The following GRIA1 variants were observed in gnomAD, a reference collection of about 807,000 sequenced individuals.
The protein encoded by GRIA1 is glutamate receptor 1.
GRIA1 carries 31 observed loss-of-function variants against 99.2 expected under a neutral mutation model. The observed-to-expected ratio is 0.31, with a 90% CI of 0.23 to 0.42. GRIA1 has a LOEUF of 0.42. Among genes scored for constraint, GRIA1 ranks in the 10% least tolerant of loss-of-function variants. GRIA1 has a pLI of 1.00. For missense variants in GRIA1, 782 were observed against 1,157.5 expected (o/e 0.68, Z 4.71); for synonymous variants, 438 against 432.4 (o/e 1.01, Z -0.16).
intron 11 of GRIA1, among the ~76,000 whole-genome samples, chr5:153,751,324 T>A (rs1762499249): frequency 6.6e-6 from 1 of 152,260 alleles, no homozygotes; most frequent in Admixed American, 6.5e-5. Context: ...GCAGAAGAAC[T>A]AATAACTGGA....
chr5:153,706,583 T>C (rs1758912746), intron 11 of GRIA1, among the ~76,000 whole-genome samples: 1 of 152,226 alleles, frequency 6.6e-6, no homozygotes, highest in African/African-American at 2.4e-5. Flanking sequence ...CCTTTCCTAT[T>C]TCTGCATGGT....
intron 8 of GRIA1, among the ~76,000 whole-genome samples, chr5:153,695,365 A>G (rs1758021098): frequency 1.3e-5 from 2 of 152,236 alleles, no homozygotes; most frequent in African/African-American, 4.8e-5. Flanking sequence ...CTCCTTGAGA[A>G]AGGCAACTCT....
chr5:153,639,543 C>T lies in GRIA1; in HGVS notation c.221-7385C>T, dbSNP rs58210261. On this transcript the variant is annotated intron_variant, in intron 2 of 15. Transcript: ENST00000285900. Reference sequence around the variant, plus strand: ...CATTTCTCAGCTCCAATGCTAGTGACACAGAGAGGTCTCCCTGACCATCCT... The same window carrying T: ...CATTTCTCAGCTCCAATGCTAGTGATACAGAGAGGTCTCCCTGACCATCCT... Among the ~76,000 whole-genome samples, 1,436 of 152,356 alleles carry T rather than the reference C, an allele frequency of 9.4e-3. 16 individuals carry two copies. Among genetic ancestry groups the T allele is most frequent in the African/African-American group, 0.032 (1,343 of 41,578 alleles).
intron 12 of GRIA1, among the ~76,000 whole-genome samples, chr5:153,766,540 C>T (rs745748480): frequency 7.9e-5 from 12 of 152,246 alleles, no homozygotes; most frequent in East Asian, 1.9e-4. Flanking sequence ...AGCCACTTTG[C>T]GGATAAGAAA....
intron 11 of GRIA1, among the ~76,000 whole-genome samples, chr5:153,735,159 A>G (rs1561813314): frequency 6.6e-6 from 1 of 152,208 alleles, no homozygotes; most frequent in Non-Finnish European, 1.5e-5. Context: ...TGATATATGT[A>G]AAATAGACCA....
chr5:153,807,168 C>T (rs1391866037), intron 15 of GRIA1, among the ~76,000 whole-genome samples: 2 of 152,176 alleles, frequency 1.3e-5, no homozygotes, highest in Admixed American at 6.5e-5. Context: ...TTTGACATGT[C>T]GATGAGCAGG....
At chr5:153,552,672 C>T (rs888236112) in intron 2 of GRIA1, among the ~76,000 whole-genome samples, 1 of 151,994 alleles carries the variant, frequency 6.6e-6, no homozygotes, top group African/African-American at 2.4e-5. Flanking sequence ...TGGAAGAATA[C>T]TACTCAGAAT....
chr5:153,570,080 G>C (rs1331489275), intron 2 of GRIA1, among the ~76,000 whole-genome samples: 1 of 152,128 alleles, frequency 6.6e-6, no homozygotes, highest in East Asian at 1.9e-4. Flanking sequence ...CTTACCCACT[G>C]TCAGCAATGG....
chr5:153,507,585 T>A (rs770586445), intron 2 of GRIA1, among the ~76,000 whole-genome samples: 1 of 152,230 alleles, frequency 6.6e-6, no homozygotes, highest in Non-Finnish European at 1.5e-5. Context: ...CAATATTATG[T>A]GTTGATTTCA....
At chr5:153,489,699 A>AT, upstream of GRIA1, 3 of 439,180 alleles carry the variant, frequency 6.8e-6, no homozygotes, top group East Asian at 1.4e-4. Context: ...TCTACAGGTT[A>AT]TTTCAGCAGA....
chr5:153,639,439 C>A (rs772578083), intron 2 of GRIA1, among the ~76,000 whole-genome samples: 10 of 152,224 alleles, frequency 6.6e-5, no homozygotes, highest in Admixed American at 2.0e-4. Context: ...TCCTGAGCCT[C>A]ATTCAGAGCC....
chr5:153,699,687 GT>G (rs907886830), intron 10 of GRIA1, among the ~76,000 whole-genome samples: 3 of 151,792 alleles, frequency 2.0e-5, no homozygotes, highest in East Asian at 1.9e-4. Flanking sequence ...TTAGTTGCTG[GT>G]TTTTTTTAAT....
Position 153,811,266 on chromosome 5 carries a change from C to G in GRIA1, c.*41C>G, listed in dbSNP as rs1247160266. On this transcript the variant is annotated 3_prime_UTR_variant, in exon 16 of 16. Transcript: ENST00000285900. ...ACCCCTTGGGGAGCAGGCTCGGGCTCCCCAGCCCCATCCCAAACCCTTCAG... is the reference window on the plus strand; with the variant it reads ...ACCCCTTGGGGAGCAGGCTCGGGCTGCCCAGCCCCATCCCAAACCCTTCAG... 1 of 1,499,352 alleles carries G rather than the reference C, an allele frequency of 6.7e-7. No homozygotes were observed. 92.9% of individuals were successfully genotyped at this position (1,499,352 alleles called of 1,614,324 possible).
chr5:153,767,189 C>G (rs972486598), intron 12 of GRIA1, among the ~76,000 whole-genome samples: 5 of 152,230 alleles, frequency 3.3e-5, no homozygotes, highest in African/African-American at 1.2e-4. Context: ...GCACTACTTA[C>G]AGAATGCCTT....
intron 2 of GRIA1, among the ~76,000 whole-genome samples, chr5:153,526,806 G>A (rs180775155): frequency 5.3e-5 from 8 of 152,308 alleles, no homozygotes; most frequent in Non-Finnish European, 1.0e-4. Context: ...AGCAGCTTTG[G>A]ACTCAGGCAA....
intron 8 of GRIA1, among the ~76,000 whole-genome samples, chr5:153,694,979 A>G (rs1356584368): frequency 1.3e-5 from 2 of 150,188 alleles, no homozygotes; most frequent in Non-Finnish European, 3.0e-5. Flanking sequence ...GAAGGAGGAG[A>G]AAGGGAAAAG....
At chr5:153,493,863 T>A in intron 1 of GRIA1, 65 bp from the exon 2 acceptor site, 1 of 1,540,888 alleles carries the variant, frequency 6.5e-7, no homozygotes, top group Non-Finnish European at 8.9e-7. Context: ...TCATCTGGAG[T>A]GAGTCGTGAG....
At chr5:153,493,211 A>G (rs1561582004) in intron 1 of GRIA1, among the ~76,000 whole-genome samples, 1 of 152,228 alleles carries the variant, frequency 6.6e-6, no homozygotes, top group African/African-American at 2.4e-5. Context: ...TTGAAGCACA[A>G]GGTTCCACCA....
chr5:153,811,112 G>T lies in GRIA1; in HGVS notation c.2608G>T (p.Gly870Cys), dbSNP rs771526139. Reference sequence around the variant, plus strand: ...CAACAGCGGGGCAGGAGCCAGCAGCGGCGGCAGTGGAGAGAATGGTCGGGT... The same window carrying T: ...CAACAGCGGGGCAGGAGCCAGCAGCTGCGGCAGTGGAGAGAATGGTCGGGT... ...PRNSGAGASS[G>C]GSGENGRVVS... Residue 870 changes from glycine to cysteine, a missense_variant, in exon 16 of 16, where the codon GGC (glycine) becomes TGC (cysteine). By Grantham distance (159) the Gly-to-Cys change is radical (BLOSUM62 -3). Around this residue, in one of 5 missense-constraint regions of GRIA1, gnomAD observed 76 missense variants for 81.2 expected, o/e 0.94. Transcript: ENST00000285900. 6.2e-7 allele frequency: 1 copy of T among 1,614,044 alleles called. No homozygotes were observed. The highest frequency in any genetic ancestry group is 8.5e-7 in the Non-Finnish European group (1 of 1,179,928).
Sources: allele counts gnomAD v4.1 joint callset (sites outside exome capture counted in the v4.1 genomes callset), GRCh38; gene constraint gnomAD v4.1.1; regional missense constraint gnomAD v4.1.1; transcripts MANE v1.5; gene names NCBI Gene and HGNC (gene_info 2026-07-23, HGNC 2026-07-21).